The following CNTN4 variants were observed in gnomAD, a reference collection of about 807,000 sequenced individuals.
CNTN4 encodes contactin 4.
CNTN4 carries 77 observed loss-of-function variants against 122.5 expected under a neutral mutation model. That is an observed-to-expected ratio of 0.63 (90% CI 0.52 to 0.76). The LOEUF is 0.76. Among genes scored for constraint, CNTN4 ranks in the 30% least tolerant of loss-of-function variants. The pLI is 0.00. For synonymous variants in CNTN4, 512 were observed against 447.0 expected (o/e 1.15, Z -1.83); for missense variants, 1,256 against 1,259.1 (o/e 1.00, Z 0.04).
At chr3:2,856,341 G>A (rs1186943629) in intron 7 of CNTN4, among the ~76,000 whole-genome samples, 1 of 152,174 alleles carries the variant, frequency 6.6e-6, no homozygotes, top group Non-Finnish European at 1.5e-5. Flanking sequence ...TTGTTGAGGA[G>A]AGACCACATG....
intron 2 of CNTN4, among the ~76,000 whole-genome samples, chr3:2,186,239 C>G (rs1464419755): frequency 8.6e-5 from 13 of 151,332 alleles, no homozygotes; most frequent in African/African-American, 2.2e-4. Context: ...CTTCATCCAT[C>G]TCCCTACAAA....
In CNTN4 at chr3:2,411,309, A is replaced by C. The variant is rs550756921; in HGVS notation, c.-89+72076A>C. On this transcript the variant is annotated intron_variant, in intron 3 of 24. Transcript: ENST00000418658. ...TATGTAACAAACCTGCACACCCTGCACATGTATCCCAGAACTTAATAGAAA... is the reference window on the plus strand; with the variant it reads ...TATGTAACAAACCTGCACACCCTGCCCATGTATCCCAGAACTTAATAGAAA... Among the ~76,000 whole-genome samples the C allele has an allele frequency of 3.9e-5, 6 of 152,358 alleles. No individual in the cohort carries two copies. In the South Asian group the frequency reaches 1.0e-3, roughly 26 times the overall value.
At position 2,381,043 on chromosome 3, in the gene CNTN4, T is replaced by C. The variant is rs111783712; in HGVS notation, c.-89+41810T>C. On this transcript the variant is annotated intron_variant, in intron 3 of 24. Transcript: ENST00000418658. ...TTTTTGGAGACAGAGTCTTGGTCAGTCGCCCAGGCTGGAGTGCAGTGGCAC... is the reference window on the plus strand; with the variant it reads ...TTTTTGGAGACAGAGTCTTGGTCAGCCGCCCAGGCTGGAGTGCAGTGGCAC... Among the ~76,000 whole-genome samples, 340 of 152,054 alleles carry C rather than the reference T, an allele frequency of 2.2e-3. 1 individual carries two copies. The highest frequency in any genetic ancestry group is 3.7e-3 in the Non-Finnish European group (252 of 67,966).
rs544045695 is a variant in CNTN4 at position 2,836,864 on chromosome 3, A to G, written c.454+17283A>G. Among the ~76,000 whole-genome samples, 15 of 152,314 alleles carry G rather than the reference A, an allele frequency of 9.8e-5. No individual in the cohort carries two copies. The South Asian group carries it at 2.7e-3, about 27-fold the overall frequency. Reference sequence around the variant, plus strand: ...AAACCATCATGGCACATATATATCTATGTAACAAACCTGCATGTTCTGCAC... The same window carrying G: ...AAACCATCATGGCACATATATATCTGTGTAACAAACCTGCATGTTCTGCAC... On this transcript the variant is annotated intron_variant, in intron 7 of 24. Transcript: ENST00000418658.
chr3:2,286,093 T>C (rs1012821724), intron 2 of CNTN4, among the ~76,000 whole-genome samples: 2 of 134,664 alleles, frequency 1.5e-5, no homozygotes, highest in Non-Finnish European at 3.4e-5. Flanking sequence ...TTTGGGTGGC[T>C]TTTTTATTCT....
At chr3:2,282,540 A>G (rs1168947717) in intron 2 of CNTN4, among the ~76,000 whole-genome samples, 2 of 152,124 alleles carry the variant, frequency 1.3e-5, no homozygotes, top group African/African-American at 4.8e-5. Flanking sequence ...TTGGATAATA[A>G]TGACTGACCC....
chr3:2,590,376 C>T (rs1047884584), intron 4 of CNTN4, among the ~76,000 whole-genome samples: 1 of 152,128 alleles, frequency 6.6e-6, no homozygotes, highest in Non-Finnish European at 1.5e-5. Flanking sequence ...CATGCCTCAG[C>T]CTCCCCAGTA....
chr3:2,878,553 C>CTGTATGTGTGTGTGTGTG (rs1553677426), intron 8 of CNTN4, among the ~76,000 whole-genome samples: 4 of 146,844 alleles, frequency 2.7e-5, no homozygotes, highest in Non-Finnish European at 6.0e-5. Context: ...GAGATGCTCT[C>CTGTATGTGTGTGTGTGTG]TGTGTGTGTG....
chr3:3,038,910 T>C, intron 18 of CNTN4, 23 bp from the exon 19 acceptor site: 1 of 1,612,466 alleles, frequency 6.2e-7, no homozygotes. Flanking sequence ...CTGACATAAC[T>C]TGTTTTTTGT....
chr3:2,820,561 G>A (rs2092840253), intron 7 of CNTN4, among the ~76,000 whole-genome samples: 1 of 152,102 alleles, frequency 6.6e-6, no homozygotes, highest in South Asian at 2.1e-4. Flanking sequence ...ATCCCCAAGA[G>A]TGGGGAATGG....
At chr3:2,892,230 T>C (rs1275197831) in intron 10 of CNTN4, 1 of 152,172 alleles carries the variant, frequency 6.6e-6, no homozygotes, top group Non-Finnish European at 1.5e-5. Context: ...ATGTTCCCAG[T>C]GGGAACATAC....
chr3:2,256,822 C>T (rs2040611025), intron 2 of CNTN4, among the ~76,000 whole-genome samples: 1 of 152,182 alleles, frequency 6.6e-6, no homozygotes, highest in Non-Finnish European at 1.5e-5. Flanking sequence ...ATTCTATGCT[C>T]ATGGATAGGA....
intron 7 of CNTN4, among the ~76,000 whole-genome samples, chr3:2,845,545 G>C (rs2093441994): frequency 2.0e-5 from 3 of 152,032 alleles, no homozygotes; most frequent in Admixed American, 2.0e-4. Context: ...CCCACTTCTA[G>C]CAACTTTTAA....
intron 3 of CNTN4, among the ~76,000 whole-genome samples, chr3:2,375,369 T>C (rs1165537790): frequency 6.6e-6 from 1 of 152,254 alleles, no homozygotes; most frequent in African/African-American, 2.4e-5. Flanking sequence ...TTTCTTTTTC[T>C]TTCTTCTTTT....
intron 4 of CNTN4, among the ~76,000 whole-genome samples, chr3:2,574,736 A>G (rs1016319350): frequency 6.6e-6 from 1 of 152,174 alleles, no homozygotes; most frequent in African/African-American, 2.4e-5. Context: ...AAAAGTGTAC[A>G]GTGCAACAGG....
At chr3:2,148,967 T>C (rs1031457382) in intron 2 of CNTN4, among the ~76,000 whole-genome samples, 1 of 143,824 alleles carries the variant, frequency 7.0e-6, no homozygotes, top group African/African-American at 2.6e-5. Context: ...TGTGTGTGTG[T>C]GTGTTGGGGG....
intron 3 of CNTN4, among the ~76,000 whole-genome samples, chr3:2,404,390 A>G (rs1575561779): frequency 6.6e-6 from 1 of 151,974 alleles, no homozygotes; most frequent in Non-Finnish European, 1.5e-5. Context: ...AGGCCCTCAT[A>G]TTTTGCTGGT....
chr3:2,857,522 G>A (rs1000003393), intron 7 of CNTN4, among the ~76,000 whole-genome samples: 3 of 152,120 alleles, frequency 2.0e-5, no homozygotes, highest in African/African-American at 7.2e-5. Flanking sequence ...GCATCTCTCT[G>A]CCATGGCTTT....
At chr3:2,240,148 G>A (rs528645079) in intron 2 of CNTN4, among the ~76,000 whole-genome samples, 1 of 152,266 alleles carries the variant, frequency 6.6e-6, no homozygotes, top group African/African-American at 2.4e-5. Flanking sequence ...AGAAATCAAT[G>A]CATTATATTT....
Sources: allele counts gnomAD v4.1 joint callset (sites outside exome capture counted in the v4.1 genomes callset), GRCh38; gene constraint gnomAD v4.1.1; transcripts MANE v1.5; gene names NCBI Gene and HGNC (gene_info 2026-07-23, HGNC 2026-07-21).